The following HERC5 variants were observed in gnomAD, a reference collection of about 807,000 sequenced individuals.
HERC5 encodes the protein HECT and RLD domain containing E3 ubiquitin protein ligase 5.
In HERC5, 99 loss-of-function variants were observed where a neutral mutation model predicts 119.6. That is an observed-to-expected ratio of 0.83 (90% CI 0.70 to 0.98). HERC5 has a LOEUF of 0.98. Among genes scored for constraint, HERC5 ranks in the 50% least tolerant of loss-of-function variants. The pLI is 0.00. For missense variants in HERC5, 1,267 were observed against 1,241.3 expected, an observed-to-expected ratio of 1.02 and a Z score of -0.31; for synonymous variants, 478 against 445.9, an observed-to-expected ratio of 1.07 and a Z score of -0.91.
At chr4:88,496,814 G>A (rs1287516059) in intron 18 of HERC5, among the ~76,000 whole-genome samples, 3 of 152,076 alleles carry the variant, frequency 2.0e-5, no homozygotes, top group African/African-American at 7.2e-5. Flanking sequence ...TCATCAAGAG[G>A]GTGTTAGAAA....
Position 88,487,193 on chromosome 4 carries a change from T to C in HERC5, c.1962+14T>C, listed in dbSNP as rs774916422. The C allele has an allele frequency of 1.5e-6, 2 of 1,355,602 alleles. No individual in the cohort carries two copies. Among genetic ancestry groups the C allele is most frequent in the Non-Finnish European group, 2.1e-6 (2 of 948,564 alleles). 84.0% of individuals were successfully genotyped at this position (1,355,602 alleles called of 1,614,324 possible). Reference sequence around the variant, plus strand: ...TTAAAAATAGAGGTATGTATGCCTATTTGTCTTCATTAGCATAAATCACAT... The same window carrying C: ...TTAAAAATAGAGGTATGTATGCCTACTTGTCTTCATTAGCATAAATCACAT... On this transcript the variant is annotated intron_variant, in intron 15 of 22. Coordinates refer to ENST00000264350, the MANE Select transcript of HERC5 (RefSeq NM_016323.4).
chr4:88,469,907 A>G (rs1740808466), intron 9 of HERC5, among the ~76,000 whole-genome samples: 1 of 152,110 alleles, frequency 6.6e-6, no homozygotes, highest in Non-Finnish European at 1.5e-5. Flanking sequence ...GTTTATGTAT[A>G]TTGTGACTCT....
At chr4:88,480,292 C>A (rs1215619061) in intron 13 of HERC5, among the ~76,000 whole-genome samples, 2 of 152,128 alleles carry the variant, frequency 1.3e-5, no homozygotes, top group African/African-American at 4.8e-5. Flanking sequence ...GCTTCTTACA[C>A]TCAATGTTTT....
intron 13 of HERC5, among the ~76,000 whole-genome samples, chr4:88,485,366 A>G (rs1741422284): frequency 6.6e-6 from 1 of 152,232 alleles, no homozygotes; most frequent in Non-Finnish European, 1.5e-5. Flanking sequence ...ATGTAAGGCC[A>G]AGATCATCAG....
intron 13 of HERC5, among the ~76,000 whole-genome samples, chr4:88,483,428 G>A (rs1033921173): frequency 6.6e-6 from 1 of 151,232 alleles, no homozygotes; most frequent in African/African-American, 2.4e-5. Context: ...GGCTGGTCTT[G>A]AGCTCCTGGC....
intron 1 of HERC5, 110 bp downstream of exon 1, chr4:88,457,644 G>A: frequency 1.8e-6 from 2 of 1,111,996 alleles, no homozygotes; most frequent in Non-Finnish European, 2.3e-6. Flanking sequence ...AGCCCAGAAG[G>A]CCGCAGACGC....
chr4:88,499,896 T>C (rs1741899100), intron 18 of HERC5, 30 bp from the exon 19 acceptor site: 2 of 1,517,652 alleles, frequency 1.3e-6, no homozygotes, highest in Non-Finnish European at 1.8e-6. Flanking sequence ...GGTTATTACC[T>C]TTTTAAAAGC....
intron 1 of HERC5, chr4:88,457,798 T>C: frequency 1.4e-6 from 1 of 718,504 alleles, no homozygotes; most frequent in Non-Finnish European, 1.9e-6. Context: ...GCGGGCACCG[T>C]CTTCATCCTT....
Position 88,487,152 on chromosome 4 carries a change from A to G in HERC5, c.1935A>G (p.Leu645=), listed in dbSNP as rs746869119. The G allele has an allele frequency of 4.4e-6, 7 of 1,578,500 alleles. No homozygotes were observed. Among genetic ancestry groups the G allele is most frequent in the Non-Finnish European group, 6.1e-6 (7 of 1,148,502 alleles). ...ATAATCTGTCGAAAATTAAACTACT[A>G]CATACAGACACACTTTTAAAAATAG... The part of the protein sequence containing the change: ...IFNNLSKIKL[L]HTDTLLKIES... The change falls in exon 15 of 23, where the codon CTA becomes CTG. Residue 645 remains leucine (L), a synonymous_variant. Transcript: ENST00000264350.
intron 12 of HERC5, among the ~76,000 whole-genome samples, chr4:88,476,394 G>A (rs1741068071): frequency 6.6e-6 from 1 of 152,088 alleles, no homozygotes; most frequent in Non-Finnish European, 1.5e-5. Flanking sequence ...AAACCCCTGG[G>A]CTCAAGTGAT....
intron 17 of HERC5, among the ~76,000 whole-genome samples, chr4:88,493,531 A>G (rs933672552): frequency 1.3e-5 from 2 of 152,148 alleles, no homozygotes; most frequent in Non-Finnish European, 2.9e-5. Flanking sequence ...AACCTAATGT[A>G]TTTTTATTGC....
chr4:88,471,972 C>T (rs1740887080), intron 10 of HERC5, among the ~76,000 whole-genome samples: 3 of 132,400 alleles, frequency 2.3e-5, no homozygotes, highest in Non-Finnish European at 4.8e-5. Context: ...CTCCCTCCTT[C>T]CCTTCCTTCT....
chr4:88,500,018 A>T, intron 19 of HERC5, 26 bp downstream of exon 19: 1 of 1,434,496 alleles, frequency 7.0e-7, no homozygotes, highest in Non-Finnish European at 9.8e-7. Context: ...AGCAGATAAC[A>T]GATTAGTTTT....
chr4:88,475,285 G>A (rs913804632), intron 11 of HERC5, among the ~76,000 whole-genome samples: 22 of 149,684 alleles, frequency 1.5e-4, no homozygotes, highest in African/African-American at 5.4e-4. Context: ...TGTTCATTGA[G>A]TGTAATTCTT....
chr4:88,457,434 ACT>A lies in HERC5; in HGVS notation c.168_169del (p.Cys57LeufsTer35). On this transcript the variant is annotated frameshift_variant, in exon 1 of 23. Transcript: ENST00000264350. LOFTEE classifies it high-confidence loss of function. Reference sequence around the variant, plus strand: ...TCCGGAGGGTGGAGGTGACGCGCCAACTCTGCTGCTCGCCGGGGCGCCTCGCG... The same window carrying A: ...TCCGGAGGGTGGAGGTGACGCGCCAACTGCTGCTCGCCGGGGCGCCTCGCG... Reference protein sequence around the residue: ...LLRRVEVTRQLCCSPGRLAVL... With the variant: ...LLRRVEVTRQXCCSPGRLAVL... 1 of 1,357,686 alleles carries A rather than the reference ACT, an allele frequency of 7.4e-7. No homozygotes were observed. The highest frequency in any genetic ancestry group is 9.4e-7 in the Non-Finnish European group (1 of 1,058,764). The allele number at this position is 1,357,686 out of a possible 1,614,324, so 84.1% of individuals were successfully genotyped here.
Position 88,457,506 on chromosome 4 carries a change from C to T in HERC5, c.237C>T (p.Leu79=), listed in dbSNP as rs780527292. 20 of 1,288,866 alleles carry T rather than the reference C, an allele frequency of 1.6e-5. No homozygotes were observed. The highest frequency in any genetic ancestry group is 3.0e-5 in the African/African-American group (2 of 65,890). The allele number at this position is 1,288,866 out of a possible 1,614,324, so 79.8% of individuals were successfully genotyped here. ...GGAGVQVHQL[L]AGSGGARTPK... The stretch of plus-strand genomic sequence containing the variant: ...CGGGCGTCCAGGTTCACCAGCTGCT[C>T]GCCGGGAGCGGCGGCGCCCGGACGC... Residue 79 remains leucine, a synonymous_variant, in exon 1 of 23, where the codon CTC becomes CTT. Transcript: ENST00000264350.
intron 18 of HERC5, among the ~76,000 whole-genome samples, chr4:88,499,269 G>A (rs1741884459): frequency 6.6e-6 from 1 of 152,056 alleles, no homozygotes; most frequent in Non-Finnish European, 1.5e-5. Flanking sequence ...GCTATAGTAG[G>A]GGCTACTTAA....
At chr4:88,468,154 A>G (rs1358352536) in intron 7 of HERC5, among the ~76,000 whole-genome samples, 192 bp from the exon 8 acceptor site, 2 of 152,144 alleles carry the variant, frequency 1.3e-5, no homozygotes, top group Non-Finnish European at 2.9e-5. Context: ...TGAATTACCT[A>G]TGTTTGCCAA....
At chr4:88,482,586 C>T (rs1240205281) in intron 13 of HERC5, among the ~76,000 whole-genome samples, 1 of 152,142 alleles carries the variant, frequency 6.6e-6, no homozygotes, top group African/African-American at 2.4e-5. Context: ...GGCTTGGAAC[C>T]ATTTGAACAT....
Sources: gnomAD v4.1 joint callset for allele counts (sites outside exome capture counted in the v4.1 genomes callset) on GRCh38, gnomAD v4.1.1 for gene constraint, MANE v1.5 for transcripts, NCBI Gene and HGNC (gene_info 2026-07-23, HGNC 2026-07-21) for gene names.